The following UVRAG variants were observed in gnomAD, a reference collection of about 807,000 sequenced individuals.
UVRAG encodes UV radiation resistance-associated gene protein.
In UVRAG, 19 loss-of-function variants were observed where a neutral mutation model predicts 78.0. The observed-to-expected ratio is 0.24, with a 90% confidence interval of 0.17 to 0.36. The LOEUF (loss-of-function observed/expected upper bound fraction) is 0.36. Among genes scored for constraint, UVRAG ranks in the 10% least tolerant of loss-of-function variants. UVRAG has a pLI of 1.00. For synonymous variants in UVRAG, 323 were observed against 324.6 expected (o/e 1.00, Z 0.05); for missense variants, 740 against 853.8 (o/e 0.87, Z 1.66).
At chr11:75,851,756 T>C (rs1292595502) in intron 1 of UVRAG, 127 bp from the exon 2 acceptor site, 2 of 728,406 alleles carry the variant, frequency 2.7e-6, no homozygotes, top group South Asian at 1.7e-5. Context: ...GACTGGGTTA[T>C]GGTTTCTGGC....
At chr11:76,115,349 A>T (rs1952158221) in intron 13 of UVRAG, among the ~76,000 whole-genome samples, 1 of 152,238 alleles carries the variant, frequency 6.6e-6, no homozygotes, top group Non-Finnish European at 1.5e-5. Context: ...GACTCAAGAG[A>T]AATACAGAGC....
At chr11:76,021,833 A>G (rs1404355845) in intron 12 of UVRAG, among the ~76,000 whole-genome samples, 5 of 152,182 alleles carry the variant, frequency 3.3e-5, no homozygotes, top group African/African-American at 1.2e-4. Flanking sequence ...GCAGGCAGAT[A>G]CTTTGAGGCC....
At chr11:75,831,506 A>AC (rs1555070303) in intron 1 of UVRAG, among the ~76,000 whole-genome samples, 24,947 of 151,768 alleles carry the variant, frequency 0.16, 2,862 homozygotes, top group African/African-American at 0.32. Context: ...AAACAAACAA[A>AC]AAAAAAAAAC....
In UVRAG at chr11:75,867,080, C is replaced by T. The variant is rs533493855; in HGVS notation, c.270+5300C>T. 2.0e-5 allele frequency among the ~76,000 whole-genome samples: 3 copies of T among 152,272 alleles called. No homozygotes were observed. The East Asian group carries it at 5.8e-4, about 29-fold the overall frequency. The stretch of plus-strand genomic sequence containing the variant: ...AAGAGGTTGGATGCAGTCATTTCTC[C>T]AGTGACAGATATTTGCTTCTCTAAT... On this transcript the variant is annotated intron_variant, in intron 3 of 14. Coordinates refer to ENST00000356136, the MANE Select transcript of UVRAG (RefSeq NM_003369.4).
At position 76,078,752 on chromosome 11, in the gene UVRAG, C is replaced by CAAAAA. The variant is rs61700855; in HGVS notation, c.1305+12987_1305+12991dup. Among the ~76,000 whole-genome samples, 42 of 37,198 alleles carry CAAAAA rather than the reference C, an allele frequency of 1.1e-3. 2 individuals are homozygous for CAAAAA. Among genetic ancestry groups the CAAAAA allele is most frequent in the African/African-American group, 2.7e-3 (40 of 14,796 alleles). The allele number at this position is 37,198 out of a possible 152,430, so 24.4% of individuals were successfully genotyped here. On this transcript the variant is annotated intron_variant, in intron 13 of 14. Transcript: ENST00000356136. Reference sequence around the variant, plus strand: ...CCCTGTCTTTACTCTACTAAAAATACAAAAAAAAAAAAAAAAAAAAAAAAA... The same window carrying CAAAAA: ...CCCTGTCTTTACTCTACTAAAAATACAAAAAAAAAAAAAAAAAAAAAAAAAAAAAA...
intron 1 of UVRAG, among the ~76,000 whole-genome samples, chr11:75,820,315 T>C (rs907746276): frequency 6.6e-6 from 1 of 151,884 alleles, no homozygotes; most frequent in African/African-American, 2.4e-5. Flanking sequence ...GAGAAGATAG[T>C]ACAGAAAGTT....
intron 12 of UVRAG, among the ~76,000 whole-genome samples, chr11:76,021,278 A>G (rs1950242151): frequency 6.6e-6 from 1 of 152,218 alleles, no homozygotes; most frequent in Non-Finnish European, 1.5e-5. Context: ...GCAGGGGAAC[A>G]ATCGGTGAAA....
At chr11:75,939,806 T>G (rs1426813892) in intron 6 of UVRAG, among the ~76,000 whole-genome samples, 2 of 152,198 alleles carry the variant, frequency 1.3e-5, no homozygotes, top group Non-Finnish European at 2.9e-5. Context: ...TTATAATTAC[T>G]AGTATGCTGG....
intron 12 of UVRAG, among the ~76,000 whole-genome samples, chr11:76,059,557 C>T (rs1264596006): frequency 1.3e-5 from 2 of 152,072 alleles, no homozygotes; most frequent in Non-Finnish European, 2.9e-5. Context: ...AGCTGGGAGT[C>T]GAGTGCTATT....
chr11:75,901,362 A>AATAGG (rs1478365476), intron 5 of UVRAG, among the ~76,000 whole-genome samples: 1 of 152,150 alleles, frequency 6.6e-6, no homozygotes, highest in Admixed American at 6.5e-5. Context: ...TTTATGAATA[A>AATAGG]ATATAGAACA....
At chr11:76,098,093 C>A (rs969525960) in intron 13 of UVRAG, among the ~76,000 whole-genome samples, 1 of 151,806 alleles carries the variant, frequency 6.6e-6, no homozygotes, top group Admixed American at 6.6e-5. Context: ...CTTATCTCTT[C>A]TAGACACGCT....
chr11:75,925,598 C>T (rs1021384413), intron 6 of UVRAG, among the ~76,000 whole-genome samples: 2 of 152,076 alleles, frequency 1.3e-5, no homozygotes, highest in African/African-American at 2.4e-5. Flanking sequence ...GTCTTTCATT[C>T]GTTGAGAAAC....
intron 2 of UVRAG, 37 bp downstream of exon 2, chr11:75,852,037 T>C (rs750195008): frequency 6.3e-6 from 9 of 1,424,100 alleles, no homozygotes; most frequent in Non-Finnish European, 8.7e-6. Flanking sequence ...CACAGATTGT[T>C]ATATTTTTAT....
At chr11:75,882,665 G>C (rs1946978360) in intron 4 of UVRAG, among the ~76,000 whole-genome samples, 1 of 151,568 alleles carries the variant, frequency 6.6e-6, no homozygotes, top group African/African-American at 2.4e-5. Flanking sequence ...CTGAAATTTT[G>C]TATCCTTTGA....
chr11:76,027,608 C>T (rs1950352199), intron 12 of UVRAG, among the ~76,000 whole-genome samples: 1 of 152,044 alleles, frequency 6.6e-6, no homozygotes, highest in South Asian at 2.1e-4. Flanking sequence ...TGTCACTATG[C>T]CACTAGGTTG....
chr11:75,981,236 C>G (rs190987515), intron 7 of UVRAG, among the ~76,000 whole-genome samples: 1 of 151,990 alleles, frequency 6.6e-6, no homozygotes, highest in African/African-American at 2.4e-5. Flanking sequence ...CTCAGCCTCC[C>G]GAATAGCTGG....
intron 12 of UVRAG, among the ~76,000 whole-genome samples, chr11:76,053,593 C>T (rs1950916092): frequency 6.6e-6 from 1 of 152,124 alleles, no homozygotes; most frequent in South Asian, 2.1e-4. Context: ...GCAATAACCT[C>T]CTATCCAGGT....
chr11:76,000,006 C>T (rs1949780879), intron 8 of UVRAG, among the ~76,000 whole-genome samples: 1 of 152,028 alleles, frequency 6.6e-6, no homozygotes, highest in African/African-American at 2.4e-5. Flanking sequence ...TTTGTGAACT[C>T]CTGGGCAACC....
At chr11:76,031,720 C>T (rs2135401074) in intron 12 of UVRAG, among the ~76,000 whole-genome samples, 1 of 152,216 alleles carries the variant, frequency 6.6e-6, no homozygotes, top group South Asian at 2.1e-4. Flanking sequence ...CTTGCAGGGG[C>T]TGGGGGGACT....
Sources: allele counts gnomAD v4.1 joint callset (sites outside exome capture counted in the v4.1 genomes callset), GRCh38; gene constraint gnomAD v4.1.1; transcripts MANE v1.5; gene names NCBI Gene and HGNC (gene_info 2026-07-23, HGNC 2026-07-21).